Variants in NECTIN1 observed in about 807,000 individuals in gnomAD.
NECTIN1 encodes the protein nectin cell adhesion molecule 1, also known as nectin-1.
NECTIN1 carries 23 observed loss-of-function variants against 48.0 expected under a neutral mutation model. That is an observed-to-expected ratio of 0.48 (90% CI 0.34 to 0.68). The LOEUF is 0.68. Among genes scored for constraint, NECTIN1 ranks in the 30% least tolerant of loss-of-function variants. NECTIN1 has a pLI of 0.01. For synonymous variants in NECTIN1, 270 were observed against 288.9 expected, an observed-to-expected ratio of 0.93 and a Z score of 0.66; for missense variants, 591 against 709.9, an observed-to-expected ratio of 0.83 and a Z score of 1.90.
chr11:119,693,250 C>T (rs1865291315), intron 1 of NECTIN1, among the ~76,000 whole-genome samples: 1 of 152,212 alleles, frequency 6.6e-6, no homozygotes, highest in African/African-American at 2.4e-5. Flanking sequence ...TCAGCTCCTC[C>T]ACCTGTGAAA....
chr11:119,650,256 G>T (rs961806265), intron 5 of NECTIN1, among the ~76,000 whole-genome samples: 3 of 152,178 alleles, frequency 2.0e-5, no homozygotes, highest in Non-Finnish European at 4.4e-5. Context: ...ATGTGTACGT[G>T]CAGGTCACAG....
chr11:119,659,441 A>C (rs1864625369), downstream of NECTIN1, among the ~76,000 whole-genome samples: 1 of 152,146 alleles, frequency 6.6e-6, no homozygotes, highest in Non-Finnish European at 1.5e-5. Flanking sequence ...TTAGACACTC[A>C]GACAGGTGCT....
At chr11:119,652,222 C>A (rs367711158) in intron 5 of NECTIN1, among the ~76,000 whole-genome samples, 1 of 152,176 alleles carries the variant, frequency 6.6e-6, no homozygotes, top group Non-Finnish European at 1.5e-5. Context: ...GGTTTTCCAG[C>A]GAACCCCACC....
chr11:119,708,893 G>T (rs1223760254), intron 1 of NECTIN1, among the ~76,000 whole-genome samples: 1 of 152,102 alleles, frequency 6.6e-6, no homozygotes, highest in Non-Finnish European at 1.5e-5. Context: ...CCCAAGCGTG[G>T]GGGCCCTGGG....
chr11:119,676,935 T>C (rs1864961269), intron 4 of NECTIN1, 167 bp downstream of exon 4: 1 of 679,730 alleles, frequency 1.5e-6, no homozygotes, highest in East Asian at 2.7e-5. Flanking sequence ...AATGTATATG[T>C]GTGTGTTGGG....
At position 119,728,695 on chromosome 11, in the gene NECTIN1, G is replaced by GGGGTGGGCT. The variant is rs1865962562; in HGVS notation, c.-151_-143dup. ...GTCAGCTGCAGCCGTCGGCCGGGGC[G>GGGGTGGGCT]GGGTGGGCTGGGTGGGATCCGCGCG... is the stretch of plus-strand genomic sequence containing the variant. On this transcript the variant is annotated 5_prime_UTR_variant, in exon 1 of 6. Transcript: ENST00000264025. 4.3e-6 allele frequency: 2 copies of GGGGTGGGCT among 463,478 alleles called. No homozygotes were observed. 28.7% of individuals were successfully genotyped at this position (463,478 alleles called of 1,614,324 possible). A position where few individuals can be genotyped will look rare whatever the true frequency, so the allele number is the denominator to read the frequency against.
chr11:119,703,775 A>G (rs1865496278), intron 1 of NECTIN1, among the ~76,000 whole-genome samples: 1 of 152,022 alleles, frequency 6.6e-6, no homozygotes, highest in African/African-American at 2.4e-5. Context: ...TGCCACCCAC[A>G]CTCTTCATGA....
At chr11:119,649,904 C>T (rs548480978) in intron 5 of NECTIN1, among the ~76,000 whole-genome samples, 2 of 152,194 alleles carry the variant, frequency 1.3e-5, no homozygotes, top group African/African-American at 2.4e-5. Context: ...CATGTGTGTC[C>T]GTGTGAAGAG....
At chr11:119,717,140 TG>T (rs1207484269) in intron 1 of NECTIN1, among the ~76,000 whole-genome samples, 1 of 152,082 alleles carries the variant, frequency 6.6e-6, no homozygotes, top group African/African-American at 2.4e-5. Flanking sequence ...CACTGAGAGG[TG>T]GGCGCCGAGG....
chr11:119,694,916 A>G lies in NECTIN1; in HGVS notation c.80-16151T>C, dbSNP rs533238627. ...CCAGGGCCCAACCACAGTTGCATCAATATAGCCCCTTGACTCTCCTTCTGA... is the reference window on the plus strand; with the variant it reads ...CCAGGGCCCAACCACAGTTGCATCAGTATAGCCCCTTGACTCTCCTTCTGA... On this transcript the variant is annotated intron_variant, in intron 1 of 5. Transcript: ENST00000264025. Among the ~76,000 whole-genome samples the G allele has an allele frequency of 1.5e-4, 22 of 151,724 alleles. No individual in the cohort carries two copies. In the East Asian group the frequency reaches 1.6e-3, roughly 11 times the overall value.
rs1331015999 is a variant in NECTIN1, at chr11:119,665,561, G to A, written c.1004-264C>T. ...AGCACCAGGGTCTTCCATCCCCACT[G>A]TCCTTGGTGTGGTGCTGGCCCAGCT... On this transcript the variant is annotated intron_variant, in intron 5 of 5. Coordinates refer to ENST00000264025, the MANE Select transcript of NECTIN1 (RefSeq NM_002855.5). This position sits in a 1 kb window ranked among gnomAD's most constrained non-coding sequence, Gnocchi z 5.1. Among the ~76,000 whole-genome samples the A allele has an allele frequency of 1.3e-5, 2 of 152,146 alleles. No homozygotes were observed. Among genetic ancestry groups the A allele is most frequent in the African/African-American group, 4.8e-5 (2 of 41,430 alleles).
At position 119,709,464 on chromosome 11, in the gene NECTIN1, C is replaced by T. The variant is rs1865599943; in HGVS notation, c.79+19011G>A. 6.6e-6 allele frequency among the ~76,000 whole-genome samples: 1 copy of T among 152,158 alleles called. No individual in the cohort carries two copies. The highest frequency in any genetic ancestry group is 2.1e-4 in the South Asian group (1 of 4,828). On this transcript the variant is annotated intron_variant, in intron 1 of 5. Transcript: ENST00000264025. The surrounding 1 kb of genome is among the most constrained non-coding windows in gnomAD (Gnocchi z 4.1). The stretch of plus-strand genomic sequence containing the variant: ...AAGCCGAGACTACCCTCTAAAGAGT[C>T]CTTTCTGTGGGGCCCTGAGCGTCTG...
At chr11:119,680,825 G>A (rs1865047664) in intron 1 of NECTIN1, among the ~76,000 whole-genome samples, 1 of 152,220 alleles carries the variant, frequency 6.6e-6, no homozygotes, top group Admixed American at 6.5e-5. Context: ...CAGCCTGTGG[G>A]GTGCTTCGGA....
chr11:119,700,533 T>C (rs1865433434), intron 1 of NECTIN1, among the ~76,000 whole-genome samples: 1 of 152,206 alleles, frequency 6.6e-6, no homozygotes, highest in Non-Finnish European at 1.5e-5. Flanking sequence ...GTCTCTGCTC[T>C]GCAGCCACCC....
At position 119,669,182 on chromosome 11, in the gene NECTIN1, C is replaced by T. The variant is rs1422017635; in HGVS notation, c.1004-3885G>A. Among the ~76,000 whole-genome samples the T allele has an allele frequency of 1.4e-4, 21 of 152,266 alleles. 1 individual carries two copies. Among genetic ancestry groups the T allele is most frequent in the Admixed American group, 7.2e-4 (11 of 15,300 alleles). On this transcript the variant is annotated intron_variant, in intron 5 of 5. Coordinates refer to ENST00000264025, the MANE Select transcript of NECTIN1 (RefSeq NM_002855.5). ...ATCCCAGCACTTTGGGAGGCCGAGG[C>T]GGACGGATCACCTAAGGTCAGGAGT...
intron 5 of NECTIN1, among the ~76,000 whole-genome samples, chr11:119,648,277 A>ATGGTGGTGGTGATGGTGG (rs1283839515): frequency 2.0e-4 from 5 of 25,042 alleles, no homozygotes; most frequent in Admixed American, 6.2e-4. Context: ...GGTGGTGGTG[A>ATGGTGGTGGTGATGGTGG]TGGTGGTGGT....
At chr11:119,648,262 ATAGTGGTGG>A (rs1482333646) in intron 5 of NECTIN1, among the ~76,000 whole-genome samples, 1 of 9,246 alleles carries the variant, frequency 1.1e-4, no homozygotes, top group Middle Eastern at 0.038. Context: ...AGAGGTGGTA[ATAGTGGTGG>A]TGGTGATGGT....
chr11:119,659,587 G>A (rs1864627477), downstream of NECTIN1, among the ~76,000 whole-genome samples: 1 of 152,196 alleles, frequency 6.6e-6, no homozygotes, highest in East Asian at 1.9e-4. Context: ...AAGACTAAGA[G>A]TATGCCCTTG....
At chr11:119,711,368 C>G (rs1034726512) in intron 1 of NECTIN1, among the ~76,000 whole-genome samples, 1 of 147,534 alleles carries the variant, frequency 6.8e-6, no homozygotes, top group African/African-American at 2.5e-5. Context: ...CCAGCCTGGG[C>G]AACAGAGTGA....
Sources: gnomAD v4.1 joint callset for allele counts (sites outside exome capture counted in the v4.1 genomes callset) on GRCh38, gnomAD v4.1.1 for gene constraint, Gnocchi (gnomAD v3.1) non-coding constraint, MANE v1.5 for transcripts, NCBI Gene and HGNC (gene_info 2026-07-23, HGNC 2026-07-21) for gene names.